The following DNM2 variants were observed in gnomAD, a reference collection of about 807,000 sequenced individuals.
DNM2 encodes the protein dynamin-2.
A neutral mutation model predicts 99.0 loss-of-function variants in DNM2; 15 were observed. That is an observed-to-expected ratio of 0.15 (90% CI 0.10 to 0.23). The LOEUF is 0.23. Among genes scored for constraint, DNM2 ranks in the 10% least tolerant of loss-of-function variants. The pLI is 1.00. For missense variants in DNM2, 742 were observed against 1,189.4 expected (o/e 0.62, Z 5.53); for synonymous variants, 525 against 481.2 (o/e 1.09, Z -1.19).
chr19:10,775,618 T>G lies in DNM2; in HGVS notation c.386-85T>G. On this transcript the variant is annotated intron_variant, in intron 3 of 20. Transcript: ENST00000389253. This position sits in a 1 kb window ranked among gnomAD's most constrained non-coding sequence, Gnocchi z 4.3. ...CAAGTCTGAGCCCCGCGCAGGAACT[T>G]TGGTAGTCAGCTGGGTGGCTGCGGG... 1.3e-6 allele frequency: 2 copies of G among 1,498,580 alleles called. No individual in the cohort carries two copies. The highest frequency in any genetic ancestry group is 2.3e-5 in the East Asian group (1 of 44,312). The allele number at this position is 1,498,580 out of a possible 1,614,324, so 92.8% of individuals were successfully genotyped here.
chr19:10,767,291 C>G (rs1036903587), intron 2 of DNM2, among the ~76,000 whole-genome samples: 1 of 152,052 alleles, frequency 6.6e-6, no homozygotes, highest in African/African-American at 2.4e-5. Context: ...AGGCTAGGCC[C>G]TCCACTCTAT....
At chr19:10,826,440 G>A (rs1408615942) in intron 18 of DNM2, among the ~76,000 whole-genome samples, 1 of 152,236 alleles carries the variant, frequency 6.6e-6, no homozygotes, top group Admixed American at 6.5e-5. Context: ...CACCCGCCTG[G>A]CCCCGGGTTC....
In DNM2 at chr19:10,805,521, G is replaced by T. The variant is rs571634869; in HGVS notation, c.1494-395G>T. 2.6e-5 allele frequency among the ~76,000 whole-genome samples: 4 copies of T among 152,292 alleles called. No individual in the cohort carries two copies. The South Asian group carries it at 8.3e-4, about 32-fold the overall frequency. ...ATGGTGGTATGCACCTGTGGTTCCA[G>T]CTACTCGGGAGACTGAGGCAGGGGA... On this transcript the variant is annotated intron_variant, in intron 12 of 20. Transcript: ENST00000389253.
intron 1 of DNM2, among the ~76,000 whole-genome samples, chr19:10,727,884 C>G (rs974973882): frequency 7.2e-5 from 11 of 152,142 alleles, no homozygotes; most frequent in African/African-American, 2.4e-4. Context: ...ACTGGGATTG[C>G]CAACTACAAG....
intron 10 of DNM2, among the ~76,000 whole-genome samples, chr19:10,798,176 G>A (rs1382091897): frequency 6.6e-6 from 1 of 152,164 alleles, no homozygotes; most frequent in Non-Finnish European, 1.5e-5. Flanking sequence ...CAAGAGGGGG[G>A]TGCCCTGAAG....
chr19:10,736,748 A>G (rs753053784), intron 1 of DNM2, among the ~76,000 whole-genome samples: 7 of 151,994 alleles, frequency 4.6e-5, no homozygotes, highest in Non-Finnish European at 1.0e-4. Flanking sequence ...CACTGTCACT[A>G]CTTCCCCAGG....
chr19:10,829,186 G>T lies in DNM2; in HGVS notation c.2209G>T (p.Gly737Cys). ...CCTCAAGGAGGCGCTCAACATCATC[G>T]GTGACATCAGCACCAGCACTGTGTC... ...HALKEALNII[G>C]DISTSTVSTP... The change falls in exon 19 of 21, where the codon GGT becomes TGT. Residue 737 changes from glycine to cysteine, a missense_variant. Transcript: ENST00000389253. 6.2e-7 allele frequency: 1 copy of T among 1,614,014 alleles called. No homozygotes were observed. Among genetic ancestry groups the T allele is most frequent in the Non-Finnish European group, 8.5e-7 (1 of 1,180,032 alleles).
intron 1 of DNM2, among the ~76,000 whole-genome samples, chr19:10,736,079 A>T (rs768521950): frequency 8.5e-5 from 13 of 152,106 alleles, no homozygotes; most frequent in African/African-American, 2.9e-4. Flanking sequence ...CCTGGCCAAC[A>T]TGGTGAAACT....
chr19:10,754,301 G>A (rs1010029876), intron 1 of DNM2, among the ~76,000 whole-genome samples: 6 of 151,328 alleles, frequency 4.0e-5, no homozygotes, highest in Non-Finnish European at 7.4e-5. Flanking sequence ...CTGTTGCCAG[G>A]CTGGAGTGCA....
chr19:10,811,394 G>T lies in DNM2; in HGVS notation c.1558-870G>T. ...AGGGATTCCTGGAGGCCCCATCTCT[G>T]GCGCTCCTGCCGTGCCGTGCCCTGC... On this transcript the variant is annotated intron_variant, in intron 14 of 20. Coordinates refer to ENST00000389253, the MANE Select transcript of DNM2 (RefSeq NM_001005361.3). This position sits in a 1 kb window ranked among gnomAD's most constrained non-coding sequence, Gnocchi z 5.4. The T allele has an allele frequency of 3.6e-6, 1 of 279,540 alleles. No homozygotes were observed. The highest frequency in any genetic ancestry group is 3.2e-5 in the South Asian group (1 of 31,218). The allele number at this position is 279,540 out of a possible 1,614,324, so 17.3% of individuals were successfully genotyped here.
At chr19:10,819,953 G>A (rs772501128) in intron 15 of DNM2, 27 bp from the exon 16 acceptor site, 2 of 1,612,308 alleles carry the variant, frequency 1.2e-6, no homozygotes, top group Non-Finnish European at 1.7e-6. Context: ...GGACCGCTCA[G>A]GGTGACTCTT....
At position 10,775,842 on chromosome 19, in the gene DNM2, G is replaced by T. The variant is rs748120401; in HGVS notation, c.525G>T (p.Thr175=). 2 of 1,613,892 alleles carry T rather than the reference G, an allele frequency of 1.2e-6. No individual in the cohort carries two copies. Among genetic ancestry groups the T allele is most frequent in the East Asian group, 4.5e-5 (2 of 44,886 alleles). The change falls in exon 4 of 21, where the codon ACG becomes ACT. Residue 175 remains threonine, a synonymous_variant. Coordinates refer to ENST00000389253, the MANE Select transcript of DNM2 (RefSeq NM_001005361.3). The surrounding 1 kb of genome is among the most constrained non-coding windows in gnomAD (Gnocchi z 4.3). ...SRESSLILAV[T]PANMDLANSD... ...AGAGCAGCCTCATTCTGGCTGTCAC[G>T]CCCGCCAACATGGACCTGGCCAACT...
Position 10,797,434 on chromosome 19 carries a change from T to C in DNM2, c.1251T>C (p.Ile417=). ...MAFEAIVKKQ[I]VKLKEPSLKC... The stretch of plus-strand genomic sequence containing the variant: ...TTGAAGCCATTGTGAAAAAACAGAT[T>C]GTAAAACTCAAAGAGCCGAGTTTGA... The change falls in exon 10 of 21, where the codon ATT becomes ATC. Residue 417 remains isoleucine (I), a synonymous_variant. Coordinates refer to ENST00000389253, the MANE Select transcript of DNM2 (RefSeq NM_001005361.3). The C allele has an allele frequency of 6.2e-7, 1 of 1,613,884 alleles. No individual in the cohort carries two copies. The highest frequency in any genetic ancestry group is 1.3e-5 in the African/African-American group (1 of 74,946).
Position 10,718,203 on chromosome 19 carries a change from C to T in DNM2, c.-40C>T. On this transcript the variant is annotated 5_prime_UTR_variant, in exon 1 of 21. Coordinates refer to ENST00000389253, the MANE Select transcript of DNM2 (RefSeq NM_001005361.3). ...CAGGTCGTTGAGGGTCGGCGGCGGG[C>T]GAGGAGCGCAGGGCGCTCGGGCCGG... 8 of 1,415,652 alleles carry T rather than the reference C, an allele frequency of 5.7e-6. No homozygotes were observed. Among genetic ancestry groups the T allele is most frequent in the Non-Finnish European group, 7.4e-6 (8 of 1,081,346 alleles). The allele number at this position is 1,415,652 out of a possible 1,614,324, so 87.7% of individuals were successfully genotyped here.
At chr19:10,757,004 C>T (rs1307709728) in intron 1 of DNM2, among the ~76,000 whole-genome samples, 4 of 152,152 alleles carry the variant, frequency 2.6e-5, no homozygotes, top group Non-Finnish European at 4.4e-5. Context: ...CTGGCTAAAG[C>T]TTAACATTTA....
At chr19:10,745,185 C>A (rs2069919837) in intron 1 of DNM2, among the ~76,000 whole-genome samples, 1 of 152,190 alleles carries the variant, frequency 6.6e-6, no homozygotes, top group African/African-American at 2.4e-5. Context: ...CACGCATAAT[C>A]CAGTCCGTGC....
rs767644498 is a variant in DNM2, at chr19:10,817,469, G to A, written c.1672-2511G>A. Reference sequence around the variant, plus strand: ...CTACTGTACACATTGAGAGCCTCCTGAACAGGTAGTCTGAACACTGGGTTG... The same window carrying A: ...CTACTGTACACATTGAGAGCCTCCTAAACAGGTAGTCTGAACACTGGGTTG... On this transcript the variant is annotated intron_variant, in intron 15 of 20. Coordinates refer to ENST00000389253, the MANE Select transcript of DNM2 (RefSeq NM_001005361.3). The surrounding 1 kb of genome is among the most constrained non-coding windows in gnomAD (Gnocchi z 4.6). 1 of 494,278 alleles carries A rather than the reference G, an allele frequency of 2.0e-6. No individual in the cohort carries two copies. The highest frequency in any genetic ancestry group is 1.5e-5 in the South Asian group (1 of 66,436). 30.6% of individuals were successfully genotyped at this position (494,278 alleles called of 1,614,324 possible).
chr19:10,820,534 C>T lies in DNM2; in HGVS notation c.1781+445C>T, dbSNP rs954076346. Among the ~76,000 whole-genome samples, 1 of 152,206 alleles carries T rather than the reference C, an allele frequency of 6.6e-6. No individual in the cohort carries two copies. Among genetic ancestry groups the T allele is most frequent in the African/African-American group, 2.4e-5 (1 of 41,450 alleles). ...TTCTGGGTAGAAGAGTCAGGCGGAG[C>T]CCTGGTGGGCATGGATATGAGAGAG... On this transcript the variant is annotated intron_variant, in intron 16 of 20. Transcript: ENST00000389253. This position sits in a 1 kb window ranked among gnomAD's most constrained non-coding sequence, Gnocchi z 4.3.
chr19:10,748,929 T>G (rs1568277562), intron 1 of DNM2, among the ~76,000 whole-genome samples: 1 of 152,182 alleles, frequency 6.6e-6, no homozygotes, highest in African/African-American at 2.4e-5. Flanking sequence ...CCCTGGAGTG[T>G]GGGCTCCTGC....
Sources: gnomAD v4.1 joint callset for allele counts (sites outside exome capture counted in the v4.1 genomes callset) on GRCh38, gnomAD v4.1.1 for gene constraint, Gnocchi (gnomAD v3.1) non-coding constraint, MANE v1.5 for transcripts, NCBI Gene and HGNC (gene_info 2026-07-23, HGNC 2026-07-21) for gene names.